RNF145: variants seen among roughly 807,000 people sequenced by gnomAD.
The protein encoded by RNF145 is ring finger protein 145.
Under a neutral mutation model 57.3 loss-of-function variants are expected in RNF145, and 12 were observed. The observed-to-expected ratio is 0.21, with a 90% CI of 0.13 to 0.34. The LOEUF (loss-of-function observed/expected upper bound fraction) is 0.34, where lower values mean the gene tolerates loss of function less well. Among genes scored for constraint, RNF145 ranks in the 10% least tolerant of loss-of-function variants. RNF145 has a pLI of 1.00. For missense variants in RNF145, 429 were observed against 799.0 expected (o/e 0.54, Z 5.58); for synonymous variants, 262 against 288.3 (o/e 0.91, Z 0.92).
intron 6 of RNF145, among the ~76,000 whole-genome samples, chr5:159,170,760 A>G (rs1784523707): frequency 6.6e-6 from 1 of 152,102 alleles, no homozygotes; most frequent in Non-Finnish European, 1.5e-5. Context: ...GCGCCTGGCT[A>G]ATTTATTCTT....
chr5:159,191,243 G>A (rs1177685673), intron 3 of RNF145, among the ~76,000 whole-genome samples: 1 of 152,070 alleles, frequency 6.6e-6, no homozygotes, highest in Non-Finnish European at 1.5e-5. Flanking sequence ...ATATTTACTA[G>A]GTAAGGAAAC....
chr5:159,191,264 A>G (rs1478656634), intron 3 of RNF145, among the ~76,000 whole-genome samples: 1 of 152,168 alleles, frequency 6.6e-6, no homozygotes, highest in Non-Finnish European at 1.5e-5. Context: ...AATTTGTATC[A>G]AGTCTGATTC....
intron 4 of RNF145, among the ~76,000 whole-genome samples, chr5:159,179,155 G>C (rs1784801953): frequency 1.3e-5 from 2 of 152,050 alleles, no homozygotes. Flanking sequence ...GTGGTGCTCA[G>C]TGCTGGGGTT....
chr5:159,163,223 G>C, intron 8 of RNF145, 144 bp from the exon 9 acceptor site: 1 of 731,684 alleles, frequency 1.4e-6, no homozygotes, highest in Non-Finnish European at 2.2e-6. Context: ...CACTGTACTA[G>C]AGTTCAGACC....
upstream of RNF145, chr5:159,209,995 G>A: frequency 4.1e-6 from 5 of 1,205,854 alleles, no homozygotes; most frequent in South Asian, 6.5e-5. Flanking sequence ...GCTCAGCCGT[G>A]CCCAGCACCA....
Position 159,187,238 on chromosome 5 carries a change from C to T in RNF145, c.294-5187G>A, listed in dbSNP as rs529420938. On this transcript the variant is annotated intron_variant, in intron 3 of 10. Coordinates refer to ENST00000424310, the MANE Select transcript of RNF145 (RefSeq NM_001199383.2). ...TGGAGGTTGCAGTGAGCCAAGATCA[C>T]GCCATTGCACTCCAGCCTGGGCAAC... Among the ~76,000 whole-genome samples the T allele has an allele frequency of 7.5e-4, 114 of 151,076 alleles. 3 individuals carry two copies. The highest frequency in any genetic ancestry group is 7.3e-3 in the South Asian group (35 of 4,772).
chr5:159,159,642 C>G (rs1166596479), intron 10 of RNF145, among the ~76,000 whole-genome samples: 4 of 152,106 alleles, frequency 2.6e-5, no homozygotes, highest in East Asian at 3.9e-4. Flanking sequence ...CACCCAAGAC[C>G]TACTGAAGTG....
Position 159,203,418 on chromosome 5 carries a change from T to G in RNF145, c.184+16A>C. ...ATGCTCACTAGAAGATTAGAAAATG[T>G]GATGTAGACACTCACCTACATAATG... On this transcript the variant is annotated intron_variant, in intron 2 of 10. Transcript: ENST00000424310. 6.6e-7 allele frequency: 1 copy of G among 1,519,286 alleles called. No individual in the cohort carries two copies. The highest frequency in any genetic ancestry group is 9.1e-7 in the Non-Finnish European group (1 of 1,094,598). 94.1% of individuals were successfully genotyped at this position (1,519,286 alleles called of 1,614,324 possible). A position where few individuals can be genotyped will look rare whatever the true frequency, so the allele number is the denominator to read the frequency against.
chr5:159,204,047 TTACTC>T (rs369311841), intron 1 of RNF145, among the ~76,000 whole-genome samples: 16 of 152,190 alleles, frequency 1.1e-4, no homozygotes, highest in African/African-American at 3.1e-4. Flanking sequence ...TTTTGAATAT[TTACTC>T]TATGAAAAAG....
chr5:159,167,533 T>C (rs1784426301), intron 8 of RNF145, among the ~76,000 whole-genome samples: 1 of 152,194 alleles, frequency 6.6e-6, no homozygotes, highest in Non-Finnish European at 1.5e-5. Flanking sequence ...TATCAATATA[T>C]ACTAAATTAA....
intron 8 of RNF145, among the ~76,000 whole-genome samples, chr5:159,165,398 C>A (rs1784358940): frequency 8.7e-6 from 1 of 114,536 alleles, no homozygotes; most frequent in African/African-American, 3.9e-5. Flanking sequence ...AAAATAATAT[C>A]CTGGCCGGGC....
intron 1 of RNF145, among the ~76,000 whole-genome samples, chr5:159,208,882 G>C (rs527859675): frequency 3.4e-5 from 5 of 148,774 alleles, no homozygotes; most frequent in Admixed American, 2.0e-4. Flanking sequence ...GTAAGGGAGC[G>C]CTCCAGGCCC....
chr5:159,169,234 A>G (rs1362856129), intron 7 of RNF145, among the ~76,000 whole-genome samples, 179 bp from the exon 8 acceptor site: 2 of 152,260 alleles, frequency 1.3e-5, no homozygotes, highest in African/African-American at 4.8e-5. Flanking sequence ...ATAGTCATAT[A>G]TATCACTACA....
Position 159,170,515 on chromosome 5 carries a change from T to TATTA in RNF145, c.798-700_798-697dup, listed in dbSNP as rs542021319. Among the ~76,000 whole-genome samples, 147 of 152,314 alleles carry TATTA rather than the reference T, an allele frequency of 9.7e-4. 1 individual carries two copies. In the East Asian group the frequency reaches 0.023, roughly 24 times the overall value. On this transcript the variant is annotated intron_variant, in intron 6 of 10. Coordinates refer to ENST00000424310, the MANE Select transcript of RNF145 (RefSeq NM_001199383.2). The stretch of plus-strand genomic sequence containing the variant: ...AAATATTTTCATTGAACTTCTTAGA[T>TATTA]ATTAACTTATATGTATTTTATAAAT...
chr5:159,208,337 G>T (rs1213751240), intron 1 of RNF145, among the ~76,000 whole-genome samples: 2 of 152,166 alleles, frequency 1.3e-5, no homozygotes, highest in East Asian at 3.9e-4. Context: ...GTCGCGCCAC[G>T]CCACGTACCA....
At chr5:159,195,836 A>T (rs1432815669) in intron 2 of RNF145, among the ~76,000 whole-genome samples, 1 of 152,196 alleles carries the variant, frequency 6.6e-6, no homozygotes, top group African/African-American at 2.4e-5. Context: ...CTCATTTCTT[A>T]ATCTAAGTAG....
At chr5:159,186,682 T>C (rs1785068130) in intron 3 of RNF145, among the ~76,000 whole-genome samples, 1 of 152,190 alleles carries the variant, frequency 6.6e-6, no homozygotes, top group African/African-American at 2.4e-5. Flanking sequence ...AATAATTCAT[T>C]TACCCAGAGT....
intron 3 of RNF145, among the ~76,000 whole-genome samples, chr5:159,193,199 C>A (rs1785345634): frequency 6.6e-6 from 1 of 152,190 alleles, no homozygotes; most frequent in Non-Finnish European, 1.5e-5. Flanking sequence ...ATGTCACTGT[C>A]TCCATTCTTG....
intron 7 of RNF145, among the ~76,000 whole-genome samples, chr5:159,169,406 G>C (rs1214663637): frequency 3.3e-5 from 5 of 152,012 alleles, no homozygotes; most frequent in Non-Finnish European, 7.4e-5. Context: ...ACTTCAAATG[G>C]GAAAAAGCAC....
Sources: gnomAD v4.1 joint callset for allele counts (sites outside exome capture counted in the v4.1 genomes callset) on GRCh38, gnomAD v4.1.1 for gene constraint, MANE v1.5 for transcripts, NCBI Gene and HGNC (gene_info 2026-07-23, HGNC 2026-07-21) for gene names.